Variants in SNX14 observed in about 807,000 individuals in gnomAD.
The protein encoded by SNX14 is sorting nexin 14, also known as sorting nexin-14.
A neutral mutation model predicts 133.8 loss-of-function variants in SNX14; 93 were observed. That is an observed-to-expected ratio of 0.70 (90% CI 0.59 to 0.83). The LOEUF is 0.83. SNX14 is among the 40% of genes least tolerant of loss of function. The pLI is 0.00. For missense variants in SNX14, 945 were observed against 1,094.9 expected (o/e 0.86, Z 1.93); for synonymous variants, 368 against 365.6 (o/e 1.01, Z -0.07).
chr6:85,565,494 T>C (rs1471780809), intron 5 of SNX14, 75 bp from the exon 6 acceptor site: 2 of 1,122,970 alleles, frequency 1.8e-6, no homozygotes, highest in African/African-American at 1.6e-5. Flanking sequence ...CAAGGGAAAA[T>C]TTTCCTTTTT....
intron 20 of SNX14, 151 bp from the exon 21 acceptor site, chr6:85,526,388 T>TAGGA (rs1313099852): frequency 1.7e-6 from 1 of 595,706 alleles, no homozygotes; most frequent in East Asian, 3.2e-5. Context: ...GGGAAGAATA[T>TAGGA]AGGATAGTAG....
chr6:85,547,233 A>G lies in SNX14; in HGVS notation c.994-7T>C. 6.2e-7 allele frequency: 1 copy of G among 1,613,154 alleles called. No individual in the cohort carries two copies. The highest frequency in any genetic ancestry group is 8.5e-7 in the Non-Finnish European group (1 of 1,179,364). Reference sequence around the variant, plus strand: ...TCAATTCTAACTTCAGCACCTTGATATAAGAGAAAGATTAAGTTTAAGCTA... The same window carrying G: ...TCAATTCTAACTTCAGCACCTTGATGTAAGAGAAAGATTAAGTTTAAGCTA... On this transcript the variant is annotated splice_region_variant and splice_polypyrimidine_tract_variant and intron_variant, in intron 11 of 28. Coordinates refer to ENST00000314673, the MANE Select transcript of SNX14 (RefSeq NM_153816.6).
At chr6:85,592,348 C>T (rs561104439) in intron 1 of SNX14, among the ~76,000 whole-genome samples, 3 of 152,210 alleles carry the variant, frequency 2.0e-5, no homozygotes, top group Non-Finnish European at 4.4e-5. Context: ...AAATTCCTTG[C>T]GCATTCCTCC....
chr6:85,520,997 T>C (rs527571805), intron 21 of SNX14, among the ~76,000 whole-genome samples: 12 of 152,324 alleles, frequency 7.9e-5, no homozygotes, highest in Non-Finnish European at 1.6e-4. Flanking sequence ...TCAGTTTTTA[T>C]ACCAAACAAT....
intron 6 of SNX14, among the ~76,000 whole-genome samples, chr6:85,564,058 G>A (rs1279208935): frequency 6.6e-6 from 1 of 152,158 alleles, no homozygotes; most frequent in African/African-American, 2.4e-5. Flanking sequence ...TGCTGAGAAT[G>A]ATGGTTTCCA....
intron 19 of SNX14, among the ~76,000 whole-genome samples, chr6:85,528,775 G>C (rs930663645): frequency 6.6e-6 from 1 of 152,092 alleles, no homozygotes; most frequent in Non-Finnish European, 1.5e-5. Context: ...TCACAATGTA[G>C]GCTGGGTGCA....
At chr6:85,536,531 T>TAGTTAAGG (rs1782008663) in intron 17 of SNX14, among the ~76,000 whole-genome samples, 1 of 152,154 alleles carries the variant, frequency 6.6e-6, no homozygotes, top group Admixed American at 6.6e-5. Context: ...TAGAAGTATC[T>TAGTTAAGG]CAGCTTAACA....
At chr6:85,580,932 C>A (rs1194218008) in intron 1 of SNX14, among the ~76,000 whole-genome samples, 2 of 152,038 alleles carry the variant, frequency 1.3e-5, no homozygotes, top group East Asian at 3.9e-4. Flanking sequence ...AACTTGCCAC[C>A]CTGAAGGGAA....
intron 21 of SNX14, among the ~76,000 whole-genome samples, chr6:85,523,184 A>G (rs1777442135): frequency 1.3e-5 from 2 of 152,192 alleles, no homozygotes; most frequent in South Asian, 4.1e-4. Flanking sequence ...GCACACAGTG[A>G]TTTTCAGAGG....
chr6:85,536,180 G>A (rs928776953), intron 17 of SNX14, among the ~76,000 whole-genome samples: 1 of 152,136 alleles, frequency 6.6e-6, no homozygotes, highest in Admixed American at 6.5e-5. Context: ...CATTTTGAAG[G>A]ATGCCTATGA....
At position 85,506,537 on chromosome 6, in the gene SNX14, T is replaced by G. The variant is rs550160420; in HGVS notation, c.2803-532A>C. Among the ~76,000 whole-genome samples, 10 of 152,300 alleles carry G rather than the reference T, an allele frequency of 6.6e-5. No individual in the cohort carries two copies. In the South Asian group the frequency reaches 2.1e-3, roughly 32 times the overall value. On this transcript the variant is annotated intron_variant, in intron 28 of 28. Coordinates refer to ENST00000314673, the MANE Select transcript of SNX14 (RefSeq NM_153816.6). ...TTCACCGTGTTAGCTAGGATAGTCT[T>G]GATCCCCTGACCTCGTGATCCCCCC...
chr6:85,507,961 G>A lies in SNX14; in HGVS notation c.2745+7C>T. The A allele has an allele frequency of 6.2e-7, 1 of 1,611,618 alleles. No homozygotes were observed. The highest frequency in any genetic ancestry group is 2.2e-5 in the East Asian group (1 of 44,776). ...AGCATGAGTTTACGAGCTTTAATGA[G>A]CTTTACCTGCTTGTTGAGTACTGGT... On this transcript the variant is annotated splice_region_variant and intron_variant, in intron 27 of 28. Transcript: ENST00000314673.
chr6:85,514,680 T>C, intron 23 of SNX14, 51 bp from the exon 24 acceptor site: 2 of 1,556,872 alleles, frequency 1.3e-6, no homozygotes, highest in Non-Finnish European at 1.8e-6. Flanking sequence ...TTACATCTGC[T>C]GACGATAATC....
intron 4 of SNX14, among the ~76,000 whole-genome samples, 158 bp downstream of exon 4, chr6:85,571,979 C>T (rs1562372943): frequency 6.6e-6 from 1 of 152,192 alleles, no homozygotes; most frequent in African/African-American, 2.4e-5. Flanking sequence ...TAGCTTACTA[C>T]TCAAGTTGTT....
chr6:85,537,061 G>A, intron 16 of SNX14, 137 bp from the exon 17 acceptor site: 1 of 839,508 alleles, frequency 1.2e-6, no homozygotes, highest in Non-Finnish European at 1.7e-6. Flanking sequence ...AACTTTTGGA[G>A]TTTTCATACA....
At chr6:85,513,754 G>T in intron 26 of SNX14, 46 bp downstream of exon 26, 1 of 1,405,910 alleles carries the variant, frequency 7.1e-7, no homozygotes, top group Non-Finnish European at 1.0e-6. Context: ...TGACCTCAAC[G>T]GACTGCTAAT....
intron 7 of SNX14, among the ~76,000 whole-genome samples, chr6:85,557,049 TAC>T (rs1472785720): frequency 1.3e-5 from 2 of 152,198 alleles, no homozygotes; most frequent in African/African-American, 2.4e-5. Flanking sequence ...GCTGTAGGAC[TAC>T]CCAAAGCTTT....
chr6:85,508,142 C>T, intron 26 of SNX14, 83 bp from the exon 27 acceptor site: 1 of 1,501,664 alleles, frequency 6.7e-7, no homozygotes, highest in Non-Finnish European at 8.9e-7. Context: ...AAATCACCAC[C>T]CTGTTTCCCA....
intron 6 of SNX14, among the ~76,000 whole-genome samples, chr6:85,564,439 G>T (rs1361451436): frequency 1.3e-5 from 2 of 152,094 alleles, no homozygotes; most frequent in Admixed American, 6.5e-5. Context: ...ACCTGTTGTT[G>T]CCTGACTTTT....
Sources: allele counts gnomAD v4.1 joint callset (sites outside exome capture counted in the v4.1 genomes callset), GRCh38; gene constraint gnomAD v4.1.1; transcripts MANE v1.5; gene names NCBI Gene and HGNC (gene_info 2026-07-23, HGNC 2026-07-21).